Variants in ITGB2 observed in about 807,000 individuals in gnomAD.
The protein encoded by ITGB2 is integrin beta-2.
A neutral mutation model predicts 86.8 loss-of-function variants in ITGB2; 56 were observed. The observed-to-expected ratio is 0.65, with a 90% CI of 0.52 to 0.81. ITGB2 has a LOEUF of 0.81. Ranked by LOEUF, ITGB2 falls within the 30% of genes least tolerant of loss-of-function variation. ITGB2 has a pLI of 0.00. For synonymous variants in ITGB2, 457 were observed against 450.4 expected, an observed-to-expected ratio of 1.01 and a Z score of -0.19; for missense variants, 948 against 1,061.2, an observed-to-expected ratio of 0.89 and a Z score of 1.48.
chr21:44,913,490 G>A (rs2084161930), intron 1 of ITGB2, among the ~76,000 whole-genome samples: 2 of 152,290 alleles, frequency 1.3e-5, no homozygotes, highest in East Asian at 1.9e-4. Context: ...TTGACCACAG[G>A]AAGGGGGCTG....
At chr21:44,895,628 G>C (rs2083853496) in intron 8 of ITGB2, among the ~76,000 whole-genome samples, 1 of 152,058 alleles carries the variant, frequency 6.6e-6, no homozygotes, top group Admixed American at 6.5e-5. Flanking sequence ...GATCACTGAG[G>C]TCAGGAGTTT....
chr21:44,921,443 A>T (rs890631508), upstream of ITGB2: 1 of 153,038 alleles, frequency 6.5e-6, no homozygotes, highest in African/African-American at 2.4e-5. Flanking sequence ...CACAGGAGGA[A>T]GGCTGCGGAT....
At chr21:44,921,730 G>T (rs3761394), upstream of ITGB2, among the ~76,000 whole-genome samples, 2 of 151,784 alleles carry the variant, frequency 1.3e-5, no homozygotes, top group East Asian at 1.9e-4. Context: ...TATGTTTTCA[G>T]TTTTTTTTGA....
intron 3 of ITGB2, among the ~76,000 whole-genome samples, 155 bp downstream of exon 3, chr21:44,910,129 A>C (rs539810839): frequency 5.3e-5 from 8 of 152,290 alleles, no homozygotes; most frequent in Non-Finnish European, 1.0e-4. Context: ...TCAGAACCTC[A>C]GGGGCCCCTT....
chr21:44,898,903 G>A (rs1394772874), intron 8 of ITGB2, among the ~76,000 whole-genome samples, 164 bp downstream of exon 8: 1 of 152,196 alleles, frequency 6.6e-6, no homozygotes, highest in Non-Finnish European at 1.5e-5. Flanking sequence ...TCCCCGACGG[G>A]AAGCCTCGGG....
chr21:44,906,516 T>G (rs1291791191), intron 4 of ITGB2, among the ~76,000 whole-genome samples: 1 of 152,162 alleles, frequency 6.6e-6, no homozygotes, highest in African/African-American at 2.4e-5. Context: ...TGGGCAACAC[T>G]GGTTTAAACA....
intron 1 of ITGB2, chr21:44,928,651 T>C (rs551378008): frequency 8.2e-5 from 12 of 146,928 alleles, no homozygotes; most frequent in Non-Finnish European, 1.5e-4. Context: ...GGGTGCCTCT[T>C]ACCCTAACTG....
chr21:44,927,801 G>A (rs1380484493), intron 1 of ITGB2: 2 of 152,260 alleles, frequency 1.3e-5, no homozygotes, highest in Non-Finnish European at 2.9e-5. Flanking sequence ...AATGGAGTTG[G>A]GTGCCCCAGG....
chr21:44,921,165 G>A (rs573521377), upstream of ITGB2: 1 of 152,398 alleles, frequency 6.6e-6, no homozygotes, highest in South Asian at 2.1e-4. Flanking sequence ...CAGGCAGAAA[G>A]GGCACCCATT....
intron 14 of ITGB2, among the ~76,000 whole-genome samples, chr21:44,887,141 C>G (rs1230757201): frequency 3.9e-5 from 6 of 152,166 alleles, no homozygotes; most frequent in Admixed American, 3.9e-4. Context: ...ACCACCCCTG[C>G]TGACAGAGAA....
intron 1 of ITGB2, among the ~76,000 whole-genome samples, chr21:44,915,472 G>T (rs1030544357): frequency 6.6e-6 from 1 of 152,174 alleles, no homozygotes; most frequent in African/African-American, 2.4e-5. Flanking sequence ...AGAGGCACTC[G>T]CATCAAAGTG....
chr21:44,920,019 A>G (rs771803877), intron 1 of ITGB2, among the ~76,000 whole-genome samples: 72 of 152,152 alleles, frequency 4.7e-4, no homozygotes, highest in Non-Finnish European at 1.3e-4. Context: ...GGCCAGGGTC[A>G]CCAGCTGAAC....
chr21:44,914,677 T>C (rs2084178076), intron 1 of ITGB2, among the ~76,000 whole-genome samples: 1 of 152,042 alleles, frequency 6.6e-6, no homozygotes, highest in Admixed American at 6.5e-5. Flanking sequence ...AATCCCAGTG[T>C]TTTGAGAGGC....
chr21:44,926,209 C>T (rs1209217252), intron 1 of ITGB2, among the ~76,000 whole-genome samples: 5 of 134,848 alleles, frequency 3.7e-5, no homozygotes, highest in African/African-American at 6.5e-5. Context: ...TTCCCAGAGC[C>T]GTGACCTTGC....
intron 1 of ITGB2, chr21:44,927,690 G>A (rs1029118634): frequency 3.3e-5 from 5 of 152,534 alleles, no homozygotes; most frequent in Admixed American, 3.3e-4. Flanking sequence ...GCAGGCTGGG[G>A]GCAGGGGCGG....
At chr21:44,892,402 C>G (rs770122415) in intron 10 of ITGB2, among the ~76,000 whole-genome samples, 3 of 152,140 alleles carry the variant, frequency 2.0e-5, no homozygotes, top group Non-Finnish European at 2.9e-5. Flanking sequence ...GGTAGATCAT[C>G]TGAGGGCAAG....
intron 1 of ITGB2, among the ~76,000 whole-genome samples, chr21:44,917,716 C>A (rs932656725): frequency 1.1e-4 from 16 of 152,192 alleles, no homozygotes; most frequent in African/African-American, 3.9e-4. Context: ...ACTCTCAGCA[C>A]CTCTTTTCCC....
upstream of ITGB2, chr21:44,922,831 G>T (rs986909937): frequency 6.6e-6 from 1 of 152,098 alleles, no homozygotes; most frequent in Non-Finnish European, 1.5e-5. Context: ...AATCAACAAG[G>T]TCTTGCGTTG....
At position 44,907,054 on chromosome 21, in the gene ITGB2, G is replaced by T; in HGVS notation, c.189C>A (p.Asp63Glu). ...GPGDPDSIRC[D>E]TRPQLLMRGC... ...CCCTCATGAGCAGCTGTGGCCGGGT[G>T]TCGCAGCGAATGGAGTCAGGATCCC... The change falls in exon 4 of 16, where the codon GAC becomes GAA. Residue 63 changes from aspartate to glutamate, a missense_variant. By Grantham distance (45) the Asp-to-Glu change is conservative. Coordinates refer to ENST00000652462, the MANE Select transcript of ITGB2 (RefSeq NM_000211.5). 6.2e-7 allele frequency: 1 copy of T among 1,611,812 alleles called. No homozygotes were observed. Among genetic ancestry groups the T allele is most frequent in the South Asian group, 1.1e-5 (1 of 91,008 alleles).
Sources: gnomAD v4.1 joint callset for allele counts (sites outside exome capture counted in the v4.1 genomes callset) on GRCh38, gnomAD v4.1.1 for gene constraint, MANE v1.5 for transcripts, NCBI Gene and HGNC (gene_info 2026-07-23, HGNC 2026-07-21) for gene names.